Variants in MFF observed in about 807,000 individuals in gnomAD.
MFF encodes the protein chromosome 2 open reading frame 33.
In MFF, 12 loss-of-function variants were observed where a neutral mutation model predicts 36.9. That is an observed-to-expected ratio of 0.33 (90% confidence interval 0.21 to 0.53). MFF has a LOEUF of 0.53. Ranked by LOEUF, MFF falls within the 20% of genes least tolerant of loss-of-function variation. The pLI, the probability that MFF is intolerant of heterozygous loss-of-function variation, is 0.95. For synonymous variants in MFF, 99 were observed against 126.2 expected (o/e 0.78, Z 1.44); for missense variants, 348 against 366.6 (o/e 0.95, Z 0.42).
intron 5 of MFF, among the ~76,000 whole-genome samples, chr2:227,343,139 A>G (rs1043909010): frequency 6.6e-6 from 1 of 151,508 alleles, no homozygotes; most frequent in Non-Finnish European, 1.5e-5. Context: ...TTCTCAACAG[A>G]TTCAACGTCA....
At chr2:227,338,594 G>A (rs1197592615) in intron 4 of MFF, among the ~76,000 whole-genome samples, 1 of 151,660 alleles carries the variant, frequency 6.6e-6, no homozygotes, top group Non-Finnish European at 1.5e-5. Flanking sequence ...CACTTTGGGA[G>A]GCTGAGGCAG....
chr2:227,342,815 TAC>T, intron 5 of MFF: 1 of 1,613,178 alleles, frequency 6.2e-7, no homozygotes, highest in Non-Finnish European at 8.5e-7. Context: ...TGCACCGGAG[TAC>T]ACGTAAGATT....
At chr2:227,339,567 T>C (rs2075271188) in intron 4 of MFF, among the ~76,000 whole-genome samples, 1 of 152,214 alleles carries the variant, frequency 6.6e-6, no homozygotes, top group African/African-American at 2.4e-5. Context: ...GTGTGGCTAC[T>C]TGGCCTTCCT....
intron 5 of MFF, among the ~76,000 whole-genome samples, chr2:227,342,191 G>A (rs2075434287): frequency 1.3e-5 from 2 of 151,780 alleles, no homozygotes; most frequent in Non-Finnish European, 2.9e-5. Flanking sequence ...TTTTCACAGT[G>A]AAACACTTAA....
intron 5 of MFF, among the ~76,000 whole-genome samples, chr2:227,344,796 A>AT (rs1189510541): frequency 6.6e-6 from 1 of 152,154 alleles, no homozygotes; most frequent in African/African-American, 2.4e-5. Context: ...TGAAAAGCTA[A>AT]TTTTTTTACT....
Position 227,332,480 on chromosome 2 carries a change from C to A in MFF, c.243C>A (p.Pro81=). The change falls in exon 4 of 9, where the codon CCC becomes CCA. Residue 81 remains proline, a synonymous_variant. Coordinates refer to ENST00000304593, the MANE Select transcript of MFF (RefSeq NM_001277062.2). ...ATCTTGACCTTATTCAGTCAACTCC[C>A]TTTAAACCCCTGGCACTGAAAACAC... The part of the protein sequence containing the change: ...PADLDLIQST[P]FKPLALKTPP... The A allele has an allele frequency of 6.2e-7, 1 of 1,613,624 alleles. No homozygotes were observed. Among genetic ancestry groups the A allele is most frequent in the African/African-American group, 1.3e-5 (1 of 75,038 alleles).
At chr2:227,335,130 A>C (rs1224329007) in intron 4 of MFF, among the ~76,000 whole-genome samples, 1 of 146,392 alleles carries the variant, frequency 6.8e-6, no homozygotes, top group African/African-American at 2.5e-5. Flanking sequence ...AGATTGTGCC[A>C]CTGTACTCCG....
rs548305509 is a variant in MFF at position 227,330,301 on chromosome 2, T to C, written c.-40-325T>C. The stretch of plus-strand genomic sequence containing the variant: ...TAAGTTTAAATTTTATTGCAGGCAT[T>C]TTTTTAGTTACAAGCAGCATGCATG... On this transcript the variant is annotated intron_variant, in intron 2 of 8. Coordinates refer to ENST00000304593, the MANE Select transcript of MFF (RefSeq NM_001277062.2). 5 of 212,988 alleles carry C rather than the reference T, an allele frequency of 2.3e-5. No homozygotes were observed. The South Asian group carries it at 8.1e-4, about 35-fold the overall frequency. 13.2% of individuals were successfully genotyped at this position (212,988 alleles called of 1,614,324 possible).
chr2:227,338,567 C>T (rs866207800), intron 4 of MFF, among the ~76,000 whole-genome samples: 1 of 151,902 alleles, frequency 6.6e-6, no homozygotes, highest in Non-Finnish European at 1.5e-5. Context: ...CGCAGTGGCT[C>T]ACGCCTGTAA....
intron 6 of MFF, 64 bp from the exon 7 acceptor site, chr2:227,352,450 T>C: frequency 8.2e-7 from 1 of 1,219,400 alleles, no homozygotes; most frequent in Non-Finnish European, 1.2e-6. Context: ...TTTTTGCTTT[T>C]ATTTTATTAC....
chr2:227,341,392 G>A (rs555944119), intron 5 of MFF, among the ~76,000 whole-genome samples: 2 of 151,870 alleles, frequency 1.3e-5, no homozygotes, highest in African/African-American at 4.8e-5. Context: ...TGTGTTAGGT[G>A]AAAGGAGAAC....
At chr2:227,348,825 C>A (rs1412704743) in intron 6 of MFF, among the ~76,000 whole-genome samples, 2 of 152,118 alleles carry the variant, frequency 1.3e-5, no homozygotes, top group East Asian at 3.9e-4. Flanking sequence ...TCCCCTCCCC[C>A]ACCTTTAATT....
intron 8 of MFF, among the ~76,000 whole-genome samples, chr2:227,356,081 A>G (rs1056147787): frequency 6.6e-6 from 1 of 152,222 alleles, no homozygotes; most frequent in East Asian, 1.9e-4. Flanking sequence ...ACTGTGTTTA[A>G]TAACTCCATT....
At chr2:227,330,402 C>T in intron 2 of MFF, 1 of 508,690 alleles carries the variant, frequency 2.0e-6, no homozygotes, top group Middle Eastern at 5.2e-4. Flanking sequence ...AAAATTTGCT[C>T]CTAAGCAATA....
rs1257735208 is a variant in MFF at position 227,332,403 on chromosome 2, T to A, written c.182-16T>A. The A allele has an allele frequency of 6.7e-7, 1 of 1,501,024 alleles. No homozygotes were observed. The highest frequency in any genetic ancestry group is 1.3e-5 in the South Asian group (1 of 74,968). The allele number at this position is 1,501,024 out of a possible 1,614,324, so 93.0% of individuals were successfully genotyped here. A position where few individuals can be genotyped will look rare whatever the true frequency, so the allele number is the denominator to read the frequency against. On this transcript the variant is annotated splice_polypyrimidine_tract_variant and intron_variant, in intron 3 of 8. Coordinates refer to ENST00000304593, the MANE Select transcript of MFF (RefSeq NM_001277062.2). ...CCGCTTTTCTCTTCTTTGTCTCTTT[T>A]CTTGAAAACTCCTAGGAAATAATGA...
At chr2:227,341,504 A>G (rs757138656) in intron 5 of MFF, among the ~76,000 whole-genome samples, 22 of 152,250 alleles carry the variant, frequency 1.4e-4, no homozygotes, top group African/African-American at 3.9e-4. Context: ...AAATGAATAT[A>G]TATCTCCTTC....
Position 227,355,386 on chromosome 2 carries a change from A to G in MFF, c.660-291A>G, listed in dbSNP as rs114814142. Reference sequence around the variant, plus strand: ...TTTTCAGCCAGGGACCCTTTTTAGCATCGCCAATCCTTCTGGCTTGAGAAT... The same window carrying G: ...TTTTCAGCCAGGGACCCTTTTTAGCGTCGCCAATCCTTCTGGCTTGAGAAT... On this transcript the variant is annotated intron_variant, in intron 7 of 8. Transcript: ENST00000304593. 755 of 211,406 alleles carry G rather than the reference A, an allele frequency of 3.6e-3. 6 individuals are homozygous for G. The highest frequency in any genetic ancestry group is 0.016 in the African/African-American group (708 of 42,928). The allele number at this position is 211,406 out of a possible 1,614,324, so 13.1% of individuals were successfully genotyped here.
chr2:227,338,854 AAC>A (rs1553775356), intron 4 of MFF, among the ~76,000 whole-genome samples: 2 of 151,400 alleles, frequency 1.3e-5, no homozygotes, highest in Non-Finnish European at 3.0e-5. Context: ...CAAAAAAAAA[AAC>A]CATAATGTTG....
In MFF at chr2:227,355,775, C is replaced by A; in HGVS notation, c.744+14C>A. 3 of 1,482,928 alleles carry A rather than the reference C, an allele frequency of 2.0e-6. No homozygotes were observed. The highest frequency in any genetic ancestry group is 1.4e-5 in the African/African-American group (1 of 71,408). The allele number at this position is 1,482,928 out of a possible 1,614,324, so 91.9% of individuals were successfully genotyped here. On this transcript the variant is annotated intron_variant, in intron 8 of 8. Coordinates refer to ENST00000304593, the MANE Select transcript of MFF (RefSeq NM_001277062.2). Reference sequence around the variant, plus strand: ...CTAAGACGACAGGTATTTAGTGTACCAAATAAGATATATTTCTCAGTTATA... The same window carrying A: ...CTAAGACGACAGGTATTTAGTGTACAAAATAAGATATATTTCTCAGTTATA...
Sources: gnomAD v4.1 joint callset for allele counts (sites outside exome capture counted in the v4.1 genomes callset) on GRCh38, gnomAD v4.1.1 for gene constraint, MANE v1.5 for transcripts, NCBI Gene and HGNC (gene_info 2026-07-23, HGNC 2026-07-21) for gene names.